Variants in PRKN observed in about 807,000 individuals in gnomAD.
PRKN encodes the protein E3 ubiquitin-protein ligase parkin.
A neutral mutation model predicts 59.5 loss-of-function variants in PRKN; 56 were observed. That is an observed-to-expected ratio of 0.94 (90% CI 0.76 to 1.18). PRKN has a LOEUF of 1.18. Ranked by LOEUF, PRKN falls within the 50% of genes most tolerant of loss-of-function variation. The pLI, the probability that PRKN is intolerant of heterozygous loss-of-function variation, is 0.00. For missense variants in PRKN, 657 were observed against 596.4 expected, an observed-to-expected ratio of 1.10 and a Z score of -1.06; for synonymous variants, 250 against 222.1, an observed-to-expected ratio of 1.13 and a Z score of -1.12.
intron 7 of PRKN, among the ~76,000 whole-genome samples, chr6:161,656,959 T>G (rs1406152788): frequency 1.3e-5 from 2 of 152,314 alleles, no homozygotes; most frequent in East Asian, 3.9e-4. Context: ...TGTGTGTTTC[T>G]GACCCTAGAA....
At chr6:162,071,501 T>C (rs111961675) in intron 4 of PRKN, among the ~76,000 whole-genome samples, 2 of 4,978 alleles carry the variant, frequency 4.0e-4, no homozygotes, top group Non-Finnish European at 6.9e-4. Flanking sequence ...CTCCAAAAGT[T>C]CCAATAGGAT....
At chr6:161,940,025 G>A (rs1057304121) in intron 6 of PRKN, among the ~76,000 whole-genome samples, 1 of 151,910 alleles carries the variant, frequency 6.6e-6, no homozygotes, top group Non-Finnish European at 1.5e-5. Context: ...CATCTCCCAA[G>A]TAGCTGAGAT....
chr6:161,553,997 T>C (rs1317272295), intron 8 of PRKN, among the ~76,000 whole-genome samples: 1 of 152,186 alleles, frequency 6.6e-6, no homozygotes, highest in African/African-American at 2.4e-5. Context: ...AGACCATAAA[T>C]TGGGTGCTAG....
intron 1 of PRKN, among the ~76,000 whole-genome samples, chr6:162,482,039 C>T (rs903382413): frequency 5.9e-5 from 9 of 152,102 alleles, no homozygotes; most frequent in East Asian, 1.9e-4. Context: ...GTCTTACCTT[C>T]CAGCATGCTT....
At chr6:161,589,743 C>G (rs1433048956) in intron 7 of PRKN, among the ~76,000 whole-genome samples, 1 of 150,866 alleles carries the variant, frequency 6.6e-6, no homozygotes, top group African/African-American at 2.4e-5. Flanking sequence ...TGTTGAATTT[C>G]CTTTAAAATA....
At chr6:161,954,393 GA>G (rs1395329150) in intron 6 of PRKN, among the ~76,000 whole-genome samples, 2 of 152,142 alleles carry the variant, frequency 1.3e-5, no homozygotes, top group African/African-American at 4.8e-5. Context: ...GACAGAATTC[GA>G]AGTACAGCCA....
intron 5 of PRKN, among the ~76,000 whole-genome samples, chr6:162,030,304 C>A (rs1783589016): frequency 6.6e-6 from 1 of 152,200 alleles, no homozygotes; most frequent in African/African-American, 2.4e-5. Flanking sequence ...ATCTGCCCAT[C>A]TCCACTGATG....
At chr6:162,324,235 T>A (rs1248183118) in intron 2 of PRKN, among the ~76,000 whole-genome samples, 1 of 152,132 alleles carries the variant, frequency 6.6e-6, no homozygotes, top group Non-Finnish European at 1.5e-5. Context: ...CAATGCAAAC[T>A]AATCTAGAGT....
chr6:162,533,924 T>C (rs769035579), intron 1 of PRKN, among the ~76,000 whole-genome samples: 3 of 146,680 alleles, frequency 2.0e-5, no homozygotes, highest in Non-Finnish European at 4.5e-5. Flanking sequence ...TGAGCCGAGA[T>C]TGCACCAATG....
rs189247004 is a variant in PRKN, at chr6:161,688,002, C to T, written c.871+97770G>A. Among the ~76,000 whole-genome samples the T allele has an allele frequency of 1.7e-3, 262 of 152,272 alleles. 4 individuals carry two copies. Among genetic ancestry groups the T allele is most frequent in the South Asian group, 5.0e-3 (24 of 4,824 alleles). ...CTTTTCATTCCATATCTCCAATCCACACAGAATGAATTTTATTTCCTTCCC... is the reference window on the plus strand; with the variant it reads ...CTTTTCATTCCATATCTCCAATCCATACAGAATGAATTTTATTTCCTTCCC... On this transcript the variant is annotated intron_variant, in intron 7 of 11. Coordinates refer to ENST00000366898, the MANE Select transcript of PRKN (RefSeq NM_004562.3).
At position 161,712,809 on chromosome 6, in the gene PRKN, AAACT is replaced by A. The variant is rs538338329; in HGVS notation, c.871+72959_871+72962del. On this transcript the variant is annotated intron_variant, in intron 7 of 11. Coordinates refer to ENST00000366898, the MANE Select transcript of PRKN (RefSeq NM_004562.3). ...GGAAAACAAAAACAAAAACAAAAACAAACTGTTTTTGTCCTTGCACTCAGACACT... is the reference window on the plus strand; with the variant it reads ...GGAAAACAAAAACAAAAACAAAAACAGTTTTTGTCCTTGCACTCAGACACT... 6.6e-5 allele frequency among the ~76,000 whole-genome samples: 10 copies of A among 152,256 alleles called. No individual in the cohort carries two copies. In the East Asian group the frequency reaches 1.4e-3, roughly 21 times the overall value.
chr6:162,431,656 A>G (rs972727984), intron 2 of PRKN, among the ~76,000 whole-genome samples: 2 of 152,216 alleles, frequency 1.3e-5, no homozygotes, highest in African/African-American at 4.8e-5. Flanking sequence ...ATATTTTTAT[A>G]GTTCTCTCAT....
chr6:161,477,976 G>T (rs1791193978), intron 9 of PRKN, among the ~76,000 whole-genome samples: 1 of 152,300 alleles, frequency 6.6e-6, no homozygotes, highest in Non-Finnish European at 1.5e-5. Flanking sequence ...CAAATGAACG[G>T]TTGTACCTGA....
chr6:161,840,442 G>A (rs925587649), intron 6 of PRKN, among the ~76,000 whole-genome samples: 2 of 152,182 alleles, frequency 1.3e-5, no homozygotes, highest in African/African-American at 4.8e-5. Context: ...CATCCATTCC[G>A]CTCTTTCTTT....
In PRKN at chr6:162,378,778, T is replaced by A. The variant is rs79680855; in HGVS notation, c.171+64532A>T. On this transcript the variant is annotated intron_variant, in intron 2 of 11. Coordinates refer to ENST00000366898, the MANE Select transcript of PRKN (RefSeq NM_004562.3). ...AAACCACAACTACTTAGGAAACTTA[T>A]GCTCTGCATATTCTAAACCTGAAGG... Among the ~76,000 whole-genome samples the A allele has an allele frequency of 6.6e-5, 10 of 152,220 alleles. No individual in the cohort carries two copies. The East Asian group carries it at 1.2e-3, about 18-fold the overall frequency.
chr6:162,321,381 C>T (rs189440911), intron 2 of PRKN, among the ~76,000 whole-genome samples: 129 of 151,930 alleles, frequency 8.5e-4, no homozygotes, highest in African/African-American at 2.8e-3. Context: ...ACTGATACTG[C>T]ATTAAAAAAC....
At chr6:162,581,673 C>G (rs1447202376) in intron 1 of PRKN, among the ~76,000 whole-genome samples, 1 of 152,208 alleles carries the variant, frequency 6.6e-6, no homozygotes, top group Non-Finnish European at 1.5e-5. Context: ...GCAGGAGAAT[C>G]ACTTGAACCC....
Position 162,011,095 on chromosome 6 carries a change from A to ACAAT in PRKN, c.619-37679_619-37678insATTG, listed in dbSNP as rs1330770054. Reference sequence around the variant, plus strand: ...ATATTTATAATATATATTATAATATATAATATATTTATAATATATAATATA... The same window carrying ACAAT: ...ATATTTATAATATATATTATAATATACAATTAATATATTTATAATATATAATATA... On this transcript the variant is annotated intron_variant, in intron 5 of 11. Transcript: ENST00000366898. Among the ~76,000 whole-genome samples, 4 of 11,446 alleles carry ACAAT rather than the reference A, an allele frequency of 3.5e-4. 1 individual carries two copies. Among genetic ancestry groups the ACAAT allele is most frequent in the African/African-American group, 1.5e-3 (4 of 2,684 alleles). 7.5% of individuals were successfully genotyped at this position (11,446 alleles called of 152,430 possible).
rs1189272919 is a variant in PRKN, at chr6:161,681,143, T to C, written c.871+104629A>G. On this transcript the variant is annotated intron_variant, in intron 7 of 11. Coordinates refer to ENST00000366898, the MANE Select transcript of PRKN (RefSeq NM_004562.3). Reference sequence around the variant, plus strand: ...GCCCAGTGAATTTTTGTATTTTGAGTAGAGACAGGGTTTTTGCCATGTTGG... The same window carrying C: ...GCCCAGTGAATTTTTGTATTTTGAGCAGAGACAGGGTTTTTGCCATGTTGG... 5.9e-5 allele frequency among the ~76,000 whole-genome samples: 9 copies of C among 152,062 alleles called. No homozygotes were observed. In the Middle Eastern group the frequency reaches 0.01, roughly 172 times the overall value.
Sources: gnomAD v4.1 joint callset for allele counts (sites outside exome capture counted in the v4.1 genomes callset) on GRCh38, gnomAD v4.1.1 for gene constraint, MANE v1.5 for transcripts, NCBI Gene and HGNC (gene_info 2026-07-23, HGNC 2026-07-21) for gene names.